The following GLIPR2 variants were observed in gnomAD, a reference collection of about 807,000 sequenced individuals.
The protein encoded by GLIPR2 is Golgi-associated plant pathogenesis-related protein 1.
A neutral mutation model predicts 20.4 loss-of-function variants in GLIPR2; 21 were observed. That is an observed-to-expected ratio of 1.03 (90% CI 0.73 to 1.48). The LOEUF is 1.48. Among genes scored for constraint, GLIPR2 ranks in the 40% most tolerant of loss-of-function variants. GLIPR2 has a pLI of 0.00. For synonymous variants in GLIPR2, 91 were observed against 80.5 expected, an observed-to-expected ratio of 1.13 and a Z score of -0.70; for missense variants, 205 against 200.1, an observed-to-expected ratio of 1.02 and a Z score of -0.15.
chr9:36,147,663 G>C (rs1825388581), intron 1 of GLIPR2, 123 bp from the exon 2 acceptor site: 2 of 684,280 alleles, frequency 2.9e-6, no homozygotes, highest in Admixed American at 3.6e-5. Flanking sequence ...AGGTGTTGGA[G>C]GGGAGCAGCA....
intron 1 of GLIPR2, among the ~76,000 whole-genome samples, chr9:36,142,135 C>T (rs893065101): frequency 2.0e-5 from 3 of 152,180 alleles, no homozygotes; most frequent in African/African-American, 4.8e-5. Context: ...TCTTGAGAAG[C>T]CTTCGTTCTT....
chr9:36,156,607 T>C (rs1280830719), intron 4 of GLIPR2, among the ~76,000 whole-genome samples: 1 of 152,182 alleles, frequency 6.6e-6, no homozygotes, highest in Non-Finnish European at 1.5e-5. Flanking sequence ...GCAGTGGACC[T>C]GTATGGGCCC....
At chr9:36,143,279 G>C (rs1825169329) in intron 1 of GLIPR2, among the ~76,000 whole-genome samples, 1 of 152,058 alleles carries the variant, frequency 6.6e-6, no homozygotes, top group Admixed American at 6.5e-5. Context: ...AGAGCCCCAG[G>C]ATACACGTGG....
intron 4 of GLIPR2, among the ~76,000 whole-genome samples, chr9:36,154,106 C>T (rs1825724060): frequency 6.8e-6 from 1 of 146,120 alleles, no homozygotes. Flanking sequence ...TCTTTTCCCC[C>T]CCCCTTTGAG....
In GLIPR2 at chr9:36,147,823, C is replaced by T. The variant is rs1825395878; in HGVS notation, c.51C>T (p.His17=). ...KQFHNEVLKA[H]NEYRQKHGVP... ...TTCATAATGAGGTCCTGAAGGCCCA[C>T]AATGAGTACCGGCAGAAGCACGGCG... is the stretch of plus-strand genomic sequence containing the variant. Residue 17 remains histidine, a synonymous_variant, in exon 2 of 5, where the codon CAC becomes CAT. Transcript: ENST00000377960. 1.3e-6 allele frequency: 2 copies of T among 1,596,720 alleles called. No individual in the cohort carries two copies. The highest frequency in any genetic ancestry group is 1.7e-6 in the Non-Finnish European group (2 of 1,164,134).
chr9:36,160,199 T>C (rs192477069), intron 4 of GLIPR2, among the ~76,000 whole-genome samples: 3 of 152,024 alleles, frequency 2.0e-5, no homozygotes, highest in African/African-American at 7.2e-5. Flanking sequence ...AATTTTGTAT[T>C]TTTAGTAGAG....
chr9:36,142,152 TCTTC>T (rs1825118749), intron 1 of GLIPR2, among the ~76,000 whole-genome samples: 4 of 152,214 alleles, frequency 2.6e-5, no homozygotes, highest in Admixed American at 2.6e-4. Flanking sequence ...TCTTCTCTTC[TCTTC>T]CTTCCTCTCC....
intron 3 of GLIPR2, 96 bp from the exon 4 acceptor site, chr9:36,150,776 C>A: frequency 1.2e-6 from 1 of 824,040 alleles, no homozygotes; most frequent in South Asian, 1.6e-5. Flanking sequence ...GTCTAATTGC[C>A]GCATTGGTGG....
At chr9:36,161,999 C>T (rs1225600846) in intron 4 of GLIPR2, among the ~76,000 whole-genome samples, 1 of 152,144 alleles carries the variant, frequency 6.6e-6, no homozygotes, top group African/African-American at 2.4e-5. Flanking sequence ...ATGGTGAAAC[C>T]TCATCTCTAC....
chr9:36,147,651 C>G (rs1249318279), intron 1 of GLIPR2, 135 bp from the exon 2 acceptor site: 5 of 671,026 alleles, frequency 7.5e-6, no homozygotes, highest in Non-Finnish European at 1.4e-5. Flanking sequence ...GGCTGGGGTG[C>G]CAGGTGTTGG....
At chr9:36,154,062 TTATATATTATATATTATATATTATA>T (rs1435660813) in intron 4 of GLIPR2, among the ~76,000 whole-genome samples, 1 of 126,854 alleles carries the variant, frequency 7.9e-6, no homozygotes, top group African/African-American at 2.9e-5. Flanking sequence ...ATATTATATA[TTATATATTATATATTATATATTATA>T]TATATATATC....
rs960870081 is a variant in GLIPR2, at chr9:36,138,680, C to T, written c.13+1889C>T. Among the ~76,000 whole-genome samples the T allele has an allele frequency of 5.9e-5, 9 of 152,178 alleles. 1 individual carries two copies. The highest frequency in any genetic ancestry group is 1.4e-4 in the African/African-American group (6 of 41,436). ...TCAAGCTGTGGACCCAGTGCCGGGGCGTGCATCCACTTGGATTGTGAAAGG... is the reference window on the plus strand; with the variant it reads ...TCAAGCTGTGGACCCAGTGCCGGGGTGTGCATCCACTTGGATTGTGAAAGG... On this transcript the variant is annotated intron_variant, in intron 1 of 4. Coordinates refer to ENST00000377960, the MANE Select transcript of GLIPR2 (RefSeq NM_022343.4).
At chr9:36,151,039 A>C in intron 4 of GLIPR2, 90 bp downstream of exon 4, 1 of 845,942 alleles carries the variant, frequency 1.2e-6, no homozygotes, top group Non-Finnish European at 2.0e-6. Context: ...CCTCTAAAAA[A>C]ATCAATCCTT....
chr9:36,156,055 C>T (rs1273702535), intron 4 of GLIPR2, among the ~76,000 whole-genome samples: 1 of 151,868 alleles, frequency 6.6e-6, no homozygotes, highest in Non-Finnish European at 1.5e-5. Flanking sequence ...ACTAAAAATA[C>T]AAAAATTAGC....
At chr9:36,151,276 G>T (rs1346412627) in intron 4 of GLIPR2, among the ~76,000 whole-genome samples, 3 of 152,184 alleles carry the variant, frequency 2.0e-5, no homozygotes, top group Admixed American at 1.3e-4. Context: ...TTCCTGAACT[G>T]GTCACCCTGT....
At chr9:36,161,554 A>G (rs1334486805) in intron 4 of GLIPR2, among the ~76,000 whole-genome samples, 2 of 151,120 alleles carry the variant, frequency 1.3e-5, no homozygotes, top group Admixed American at 6.6e-5. Context: ...GGGTCCTTCA[A>G]TATCTATAAG....
chr9:36,163,818 G>C lies in GLIPR2; in HGVS notation c.*1296G>C, dbSNP rs539760133. ...TCCTCAAAGCAGCTCCTGAAGGTCT[G>C]TGTTGCACTGTCACCAGTCTCAAGC... On this transcript the variant is annotated 3_prime_UTR_variant, in exon 5 of 5. Coordinates refer to ENST00000377960, the MANE Select transcript of GLIPR2 (RefSeq NM_022343.4). The C allele has an allele frequency of 2.6e-5, 4 of 152,852 alleles. No individual in the cohort carries two copies. The highest frequency in any genetic ancestry group is 5.9e-5 in the Non-Finnish European group (4 of 68,070). The allele number at this position is 152,852 out of a possible 1,614,324, so 9.5% of individuals were successfully genotyped here. A position where few individuals can be genotyped will look rare whatever the true frequency, so the allele number is the denominator to read the frequency against.
intron 4 of GLIPR2, among the ~76,000 whole-genome samples, chr9:36,156,352 A>G (rs1386520795): frequency 7.1e-6 from 1 of 140,872 alleles, no homozygotes; most frequent in African/African-American, 2.6e-5. Flanking sequence ...GCACCACGGC[A>G]CTCCAGCCTG....
intron 1 of GLIPR2, 53 bp from the exon 2 acceptor site, chr9:36,147,733 T>C: frequency 2.4e-6 from 2 of 849,102 alleles, no homozygotes; most frequent in South Asian, 1.3e-5. Flanking sequence ...CATTATACTT[T>C]TGATGAGTGT....
Sources: allele counts gnomAD v4.1 joint callset (sites outside exome capture counted in the v4.1 genomes callset), GRCh38; gene constraint gnomAD v4.1.1; transcripts MANE v1.5; gene names NCBI Gene and HGNC (gene_info 2026-07-23, HGNC 2026-07-21).